Variants in LYRM9 observed in about 807,000 individuals in gnomAD.
LYRM9 encodes the protein LYR motif containing 9, also known as LYR motif-containing protein 9.
LYRM9 carries 14 observed loss-of-function variants against 12.6 expected under a neutral mutation model. The ratio of observed to expected loss-of-function variants is 1.11; its 90% confidence interval spans 0.73 to 1.73. The LOEUF is 1.73. LYRM9 is among the 40% of genes most tolerant of loss of function. The probability of loss-of-function intolerance (pLI) is 0.00; values close to 1 mark genes in which losing one functional copy is unlikely to be tolerated. For synonymous variants in LYRM9, 42 were observed against 35.1 expected (o/e 1.20, Z -0.69); for missense variants, 94 against 95.0 (o/e 0.99, Z 0.04).
intron 3 of LYRM9, 200 bp downstream of exon 3, chr17:27,880,074 T>TC: frequency 1.4e-6 from 1 of 702,004 alleles, no homozygotes; most frequent in Non-Finnish European, 2.6e-6. Context: ...TGAGAGCCCC[T>TC]CCCCACTTGC....
intron 2 of LYRM9, chr17:27,880,815 G>A (rs576210032): frequency 5.8e-6 from 1 of 173,248 alleles, no homozygotes; most frequent in Admixed American, 5.8e-5. Flanking sequence ...ACACAGGGAA[G>A]GGAGGGGAGG....
intron 1 of LYRM9, chr17:27,883,248 G>C (rs971628807): frequency 2.5e-5 from 7 of 276,596 alleles, no homozygotes; most frequent in South Asian, 2.2e-4. Context: ...ATTTTAACAA[G>C]GATGCCAGGA....
At chr17:27,880,119 A>G in intron 3 of LYRM9, 155 bp downstream of exon 3, 1 of 716,754 alleles carries the variant, frequency 1.4e-6, no homozygotes, top group South Asian at 1.5e-5. Context: ...ATTTGTCTTC[A>G]CCTTTCAGCT....
chr17:27,883,768 G>T (rs1167700547), intron 1 of LYRM9, among the ~76,000 whole-genome samples: 4 of 122,088 alleles, frequency 3.3e-5, no homozygotes, highest in African/African-American at 1.2e-4. Flanking sequence ...ACTTGCCCAA[G>T]ATCACACAGC....
chr17:27,882,309 G>A (rs1041698592), intron 2 of LYRM9, among the ~76,000 whole-genome samples: 4 of 152,188 alleles, frequency 2.6e-5, no homozygotes, highest in South Asian at 2.1e-4. Flanking sequence ...AAATGATGTC[G>A]TGTCCCACAG....
chr17:27,884,147 T>C (rs1266120672), intron 1 of LYRM9, among the ~76,000 whole-genome samples: 3 of 152,026 alleles, frequency 2.0e-5, no homozygotes. Context: ...CCCACATTCT[T>C]CTCTGTATTA....
intron 1 of LYRM9, among the ~76,000 whole-genome samples, chr17:27,889,587 G>A (rs1172096579): frequency 6.6e-6 from 1 of 152,074 alleles, no homozygotes; most frequent in African/African-American, 2.4e-5. Flanking sequence ...ATAGGTGTGA[G>A]CCACTGCACC....
chr17:27,892,470 G>C (rs1168989039), intron 1 of LYRM9: 1 of 450,022 alleles, frequency 2.2e-6, no homozygotes, highest in East Asian at 7.0e-5. Flanking sequence ...AAGCCAGCAG[G>C]AAACTGTCCT....
At chr17:27,885,567 G>A (rs564489726) in intron 1 of LYRM9, among the ~76,000 whole-genome samples, 2 of 152,016 alleles carry the variant, frequency 1.3e-5, no homozygotes, top group East Asian at 3.9e-4. Flanking sequence ...AAAATTAACT[G>A]GGCATGGTGG....
chr17:27,886,819 T>C lies in LYRM9; in HGVS notation c.-18-4107A>G, dbSNP rs1195900500. On this transcript the variant is annotated intron_variant, in intron 1 of 3. Coordinates refer to ENST00000379102, the MANE Select transcript of LYRM9 (RefSeq NM_001076680.3). The surrounding 1 kb of genome is among the most constrained non-coding windows in gnomAD (Gnocchi z 4.8). ...TGCCACCACACCCAGCTAATTTTCGTATTTTTAGTAGAGATGGGGTTTCTC... is the reference window on the plus strand; with the variant it reads ...TGCCACCACACCCAGCTAATTTTCGCATTTTTAGTAGAGATGGGGTTTCTC... Among the ~76,000 whole-genome samples, 1 of 152,018 alleles carries C rather than the reference T, an allele frequency of 6.6e-6. No homozygotes were observed.
rs1359948380 is a variant in LYRM9, at chr17:27,886,165, G to A, written c.-18-3453C>T. Among the ~76,000 whole-genome samples, 1 of 152,086 alleles carries A rather than the reference G, an allele frequency of 6.6e-6. No individual in the cohort carries two copies. The highest frequency in any genetic ancestry group is 6.6e-5 in the Admixed American group (1 of 15,258). ...GTAAAATGCTAGTCGCGGAACAGAT[G>A]GTTACCATCTGCAGTCCTCAAAATT... On this transcript the variant is annotated intron_variant, in intron 1 of 3. Coordinates refer to ENST00000379102, the MANE Select transcript of LYRM9 (RefSeq NM_001076680.3). This position sits in a 1 kb window ranked among gnomAD's most constrained non-coding sequence, Gnocchi z 4.8.
chr17:27,885,701 C>CAAA (rs61615628), intron 1 of LYRM9, among the ~76,000 whole-genome samples: 9 of 29,364 alleles, frequency 3.1e-4, no homozygotes, highest in African/African-American at 4.4e-4. Flanking sequence ...AACTCTGTCT[C>CAAA]AAAAAAAAAA....
Position 27,879,478 on chromosome 17 carries a change from T to A in LYRM9, c.232A>T (p.Asn78Tyr). ...AAGGCTCACCCTCGGAGCTCTCAGT[T>A]TTGTTTTTTATACTGCAAGACAGAG... ...DWIMNKYKKQ[N>Y] Residue 78 changes from asparagine to tyrosine, a missense_variant, in exon 4 of 4, where the codon AAC becomes TAC. Asn to Tyr is a moderately radical substitution (Grantham distance 143). Coordinates refer to ENST00000379102, the MANE Select transcript of LYRM9 (RefSeq NM_001076680.3). 6.4e-7 allele frequency: 1 copy of A among 1,551,894 alleles called. No individual in the cohort carries two copies. The highest frequency in any genetic ancestry group is 2.4e-5 in the East Asian group (1 of 40,942).
chr17:27,882,539 G>GC (rs1439893044), intron 2 of LYRM9, 30 bp downstream of exon 2: 56 of 1,539,472 alleles, frequency 3.6e-5, no homozygotes, highest in Non-Finnish European at 4.8e-5. Flanking sequence ...ATTAGAGGCA[G>GC]CCCCCAGACC....
intron 2 of LYRM9, among the ~76,000 whole-genome samples, chr17:27,881,418 G>A (rs1341242627): frequency 2.0e-5 from 3 of 148,346 alleles, no homozygotes; most frequent in Non-Finnish European, 4.5e-5. Context: ...ACAGCCCTCT[G>A]TGGCTACCGC....
chr17:27,884,810 GT>G (rs1905180719), intron 1 of LYRM9, among the ~76,000 whole-genome samples: 1 of 143,130 alleles, frequency 7.0e-6, no homozygotes, highest in Admixed American at 7.3e-5. Flanking sequence ...ACTGGCCTTA[GT>G]TTTAAAGGAA....
chr17:27,884,810 G>A (rs1469799773), intron 1 of LYRM9, among the ~76,000 whole-genome samples: 1 of 143,130 alleles, frequency 7.0e-6, no homozygotes, highest in Non-Finnish European at 1.5e-5. Flanking sequence ...ACTGGCCTTA[G>A]TTTTAAAGGA....
chr17:27,889,065 G>A (rs1905332152), intron 1 of LYRM9, among the ~76,000 whole-genome samples: 1 of 151,992 alleles, frequency 6.6e-6, no homozygotes, highest in African/African-American at 2.4e-5. Context: ...AAGTGTCTCT[G>A]TCCCACTTGC....
At chr17:27,891,269 G>A (rs1271922630) in intron 1 of LYRM9, among the ~76,000 whole-genome samples, 1 of 152,144 alleles carries the variant, frequency 6.6e-6, no homozygotes, top group Non-Finnish European at 1.5e-5. Flanking sequence ...GACTGAACTT[G>A]GAGGACTCTG....
Sources: gnomAD v4.1 joint callset for allele counts (sites outside exome capture counted in the v4.1 genomes callset) on GRCh38, gnomAD v4.1.1 for gene constraint, Gnocchi (gnomAD v3.1) non-coding constraint, MANE v1.5 for transcripts, NCBI Gene and HGNC (gene_info 2026-07-23, HGNC 2026-07-21) for gene names.